C7: variants seen among roughly 807,000 people sequenced by gnomAD.
C7 encodes the protein complement C7.
In C7, 83 loss-of-function variants were observed where a neutral mutation model predicts 104.8. The ratio of observed to expected loss-of-function variants is 0.79; its 90% CI spans 0.66 to 0.95. C7 has a LOEUF of 0.95. C7 is among the 40% of genes least tolerant of loss of function. The pLI, the probability that C7 is intolerant of heterozygous loss-of-function variation, is 0.00. For synonymous variants in C7, 415 were observed against 360.6 expected, an observed-to-expected ratio of 1.15 and a Z score of -1.71; for missense variants, 1,070 against 1,011.2, an observed-to-expected ratio of 1.06 and a Z score of -0.79.
intron 16 of C7, 129 bp from the exon 17 acceptor site, chr5:40,979,596 C>CTTTTTTTTTTTTTTTTTTTTTTTTTTTTT (rs35148902): frequency 2.1e-6 from 1 of 482,200 alleles, no homozygotes. Context: ...GAGTTTCCAC[C>CTTTTTTTTTTTTTTTTTTTTTTTTTTTTT]TTTTTTTTTT....
intron 5 of C7, 112 bp downstream of exon 5, chr5:40,936,597 C>A: frequency 1.0e-6 from 1 of 981,808 alleles, no homozygotes; most frequent in Non-Finnish European, 1.5e-6. Flanking sequence ...CAAGATTATT[C>A]ATTGGCTCAG....
At chr5:40,944,821 A>G (rs1422691992) in intron 6 of C7, among the ~76,000 whole-genome samples, 1 of 152,226 alleles carries the variant, frequency 6.6e-6, no homozygotes, top group Non-Finnish European at 1.5e-5. Flanking sequence ...ACCTATTTGC[A>G]TCTCTGTTCC....
chr5:40,930,771 G>A (rs572824269), intron 2 of C7, among the ~76,000 whole-genome samples: 1 of 151,792 alleles, frequency 6.6e-6, no homozygotes, highest in East Asian at 2.0e-4. Context: ...TCACCATGTA[G>A]GCCAGCCTGG....
At chr5:40,909,974 ATTT>A (rs1259880340) in intron 1 of C7, among the ~76,000 whole-genome samples, 5 of 124,620 alleles carry the variant, frequency 4.0e-5, no homozygotes, top group Admixed American at 8.4e-5. Context: ...CCTCTGGTGT[ATTT>A]TTTTTTTTTT....
intron 16 of C7, among the ~76,000 whole-genome samples, chr5:40,977,467 A>C (rs1324084214): frequency 6.6e-6 from 1 of 152,216 alleles, no homozygotes; most frequent in Non-Finnish European, 1.5e-5. Context: ...TAGACTGCTA[A>C]CAGCTTGACC....
chr5:40,924,849 T>G (rs1341866339), intron 1 of C7, among the ~76,000 whole-genome samples: 1 of 152,232 alleles, frequency 6.6e-6, no homozygotes, highest in Non-Finnish European at 1.5e-5. Flanking sequence ...GTCTTAAGGC[T>G]GTGCAGGGCA....
Position 40,967,299 on chromosome 5 carries a change from C to T in C7, c.1882+2426C>T, listed in dbSNP as rs537598373. ...CAGGATGGTCTCCATCTCTTGACCT[C>T]ATGATTTGTCCGCCTTGGCCTCCCA... On this transcript the variant is annotated intron_variant, in intron 14 of 17. Coordinates refer to ENST00000313164, the MANE Select transcript of C7 (RefSeq NM_000587.4). Among the ~76,000 whole-genome samples the T allele has an allele frequency of 3.3e-5, 5 of 152,278 alleles. No homozygotes were observed. In the South Asian group the frequency reaches 1.0e-3, roughly 32 times the overall value.
intron 6 of C7, among the ~76,000 whole-genome samples, chr5:40,941,178 C>T (rs1739928463): frequency 1.3e-5 from 2 of 151,784 alleles, no homozygotes; most frequent in African/African-American, 4.8e-5. Flanking sequence ...ATTCTCATGC[C>T]TCGGCCTACC....
At chr5:40,917,314 T>A (rs1170783106) in intron 1 of C7, among the ~76,000 whole-genome samples, 1 of 152,144 alleles carries the variant, frequency 6.6e-6, no homozygotes, top group African/African-American at 2.4e-5. Flanking sequence ...TACTCTTTAC[T>A]TATTAGACTT....
chr5:40,921,448 A>G (rs1487427608), intron 1 of C7, among the ~76,000 whole-genome samples: 1 of 152,122 alleles, frequency 6.6e-6, no homozygotes, highest in African/African-American at 2.4e-5. Context: ...ACAGACATAG[A>G]AAAAATTCTA....
At chr5:40,928,826 G>T (rs1369545988) in intron 2 of C7, among the ~76,000 whole-genome samples, 191 bp downstream of exon 2, 1 of 151,992 alleles carries the variant, frequency 6.6e-6, no homozygotes. Flanking sequence ...ACTTAAAGAA[G>T]AATAATTCTC....
intron 1 of C7, among the ~76,000 whole-genome samples, chr5:40,911,324 G>A (rs1156709372): frequency 6.6e-6 from 1 of 152,168 alleles, no homozygotes; most frequent in African/African-American, 2.4e-5. Flanking sequence ...GCAATGTTTT[G>A]GCCCCACAGC....
intron 2 of C7, among the ~76,000 whole-genome samples, chr5:40,930,658 G>A (rs371653358): frequency 6.6e-6 from 1 of 151,882 alleles, no homozygotes; most frequent in African/African-American, 2.4e-5. Context: ...CATCTCCTGG[G>A]TTCCAGTGAT....
rs185268287 is a variant in C7, at chr5:40,952,782, G to C, written c.1094-2605G>C. ...TCCTTGCGAACTGGATTAAGAAAAT[G>C]TGGCACATATACACCATGAAATACT... On this transcript the variant is annotated intron_variant, in intron 9 of 17. Transcript: ENST00000313164. Among the ~76,000 whole-genome samples the C allele has an allele frequency of 1.7e-3, 256 of 152,180 alleles. 1 individual carries two copies. The Middle Eastern group carries it at 0.017, about 10-fold the overall frequency.
intron 1 of C7, among the ~76,000 whole-genome samples, chr5:40,923,883 C>T (rs567878612): frequency 6.6e-6 from 1 of 152,196 alleles, no homozygotes; most frequent in Non-Finnish European, 1.5e-5. Context: ...CCCCTTCCAA[C>T]AGGCCCCCAC....
At chr5:40,962,002 A>G in intron 12 of C7, 83 bp from the exon 13 acceptor site, 2 of 620,952 alleles carry the variant, frequency 3.2e-6, no homozygotes, top group East Asian at 3.1e-5. Flanking sequence ...TCCTTCAGAT[A>G]CAAAGGAGAA....
At chr5:40,928,993 T>G (rs1463203851) in intron 2 of C7, among the ~76,000 whole-genome samples, 1 of 152,128 alleles carries the variant, frequency 6.6e-6, no homozygotes, top group African/African-American at 2.4e-5. Context: ...CCTCTGGATT[T>G]TAAAGGTTGA....
intron 1 of C7, among the ~76,000 whole-genome samples, chr5:40,910,423 C>T (rs1050364449): frequency 1.3e-5 from 2 of 152,100 alleles, no homozygotes; most frequent in African/African-American, 4.8e-5. Context: ...TCCATAGTCA[C>T]TGTATTGTCC....
chr5:40,940,141 G>T (rs1438713765), intron 6 of C7, among the ~76,000 whole-genome samples: 1 of 152,172 alleles, frequency 6.6e-6, no homozygotes, highest in Non-Finnish European at 1.5e-5. Context: ...CTTTGAGGTG[G>T]AAAGTGACTT....
Sources: allele counts gnomAD v4.1 joint callset (sites outside exome capture counted in the v4.1 genomes callset), GRCh38; gene constraint gnomAD v4.1.1; transcripts MANE v1.5; gene names NCBI Gene and HGNC (gene_info 2026-07-23, HGNC 2026-07-21).